The following BAALC variants were observed in gnomAD, a reference collection of about 807,000 sequenced individuals.
The protein encoded by BAALC is BAALC binder of MAP3K1 and KLF4.
In BAALC, 9 loss-of-function variants were observed where a neutral mutation model predicts 15.5. The ratio of observed to expected loss-of-function variants is 0.58; its 90% CI spans 0.35 to 1.02. BAALC has a LOEUF of 1.02. Among genes scored for constraint, BAALC ranks in the 50% least tolerant of loss-of-function variants. BAALC has a pLI of 0.02. For synonymous variants in BAALC, 80 were observed against 74.6 expected (o/e 1.07, Z -0.37); for missense variants, 201 against 192.4 (o/e 1.04, Z -0.27).
At chr8:103,149,845 C>T (rs1810947149) in intron 1 of BAALC, among the ~76,000 whole-genome samples, 1 of 152,106 alleles carries the variant, frequency 6.6e-6, no homozygotes, top group Non-Finnish European at 1.5e-5. Context: ...GTAGGTGATT[C>T]CTCCATGTTT....
At chr8:103,227,167 CTGTG>C (rs999192110) in intron 2 of BAALC, among the ~76,000 whole-genome samples, 5 of 151,976 alleles carry the variant, frequency 3.3e-5, no homozygotes, top group Non-Finnish European at 7.4e-5. Context: ...TTCTTCCTGA[CTGTG>C]TGTGTGCGTG....
intron 1 of BAALC, among the ~76,000 whole-genome samples, chr8:103,173,109 G>A (rs1811534973): frequency 6.6e-6 from 1 of 152,064 alleles, no homozygotes; most frequent in Non-Finnish European, 1.5e-5. Flanking sequence ...AGGCACGGTG[G>A]GCCATCATTT....
At chr8:103,208,565 T>A (rs1227433018) in intron 1 of BAALC, 1 of 152,256 alleles carries the variant, frequency 6.6e-6, no homozygotes, top group Non-Finnish European at 1.5e-5. Flanking sequence ...CGGGGCCTGC[T>A]GGGCTCACAA....
intron 1 of BAALC, among the ~76,000 whole-genome samples, chr8:103,201,928 C>A (rs769426430): frequency 4.6e-5 from 7 of 152,110 alleles, no homozygotes; most frequent in Non-Finnish European, 1.0e-4. Flanking sequence ...GAAATGTTGG[C>A]AGATAAAGGT....
intron 1 of BAALC, among the ~76,000 whole-genome samples, chr8:103,204,620 C>G (rs968110102): frequency 6.6e-6 from 1 of 152,110 alleles, no homozygotes; most frequent in Admixed American, 6.6e-5. Context: ...GGGTGCACTT[C>G]ATTATTTTGC....
intron 1 of BAALC, among the ~76,000 whole-genome samples, chr8:103,145,089 G>C (rs1284144796): frequency 6.6e-6 from 1 of 152,204 alleles, no homozygotes; most frequent in Non-Finnish European, 1.5e-5. Context: ...GATATGCTAT[G>C]AAATTCTTGA....
intron 1 of BAALC, chr8:103,202,720 C>G (rs977042443): frequency 6.6e-6 from 1 of 152,168 alleles, no homozygotes; most frequent in African/African-American, 2.4e-5. Flanking sequence ...ATATAAACAC[C>G]TTTGGTGGGA....
chr8:103,140,748 A>C lies in BAALC; in HGVS notation c.-150A>C. ...CCGGACTAGGGGCGGCGGGCACCGC[A>C]GGAGCTCCGCGCGGCTGCAGCGCGG... On this transcript the variant is annotated 5_prime_UTR_variant, in exon 1 of 3. Transcript: ENST00000309982. This position sits in a 1 kb window ranked among gnomAD's most constrained non-coding sequence, Gnocchi z 4.2. 3.6e-6 allele frequency: 2 copies of C among 549,494 alleles called. No homozygotes were observed. Among genetic ancestry groups the C allele is most frequent in the Non-Finnish European group, 5.0e-6 (2 of 397,770 alleles). The allele number at this position is 549,494 out of a possible 1,614,324, so 34.0% of individuals were successfully genotyped here.
At chr8:103,224,976 TAGAA>T (rs1234222262) in intron 2 of BAALC, among the ~76,000 whole-genome samples, 1 of 152,142 alleles carries the variant, frequency 6.6e-6, no homozygotes, top group African/African-American at 2.4e-5. Context: ...TCACTACTCT[TAGAA>T]AGAATGCTTT....
chr8:103,218,207 T>TC (rs939724349), intron 2 of BAALC, among the ~76,000 whole-genome samples: 2 of 151,854 alleles, frequency 1.3e-5, no homozygotes, highest in African/African-American at 4.8e-5. Flanking sequence ...TTCCCTCCAA[T>TC]CCCCCCGCCT....
chr8:103,168,230 C>A (rs1165685479), intron 1 of BAALC, among the ~76,000 whole-genome samples: 1 of 152,138 alleles, frequency 6.6e-6, no homozygotes, highest in Non-Finnish European at 1.5e-5. Context: ...ACTATTTAAG[C>A]TCGTTCTCTT....
chr8:103,211,131 A>G (rs1292220333), intron 1 of BAALC, among the ~76,000 whole-genome samples: 1 of 152,150 alleles, frequency 6.6e-6, no homozygotes, highest in Non-Finnish European at 1.5e-5. Flanking sequence ...GCCTACTTCA[A>G]ATTGAGGTTT....
chr8:103,214,415 T>G (rs1460588983), intron 2 of BAALC, among the ~76,000 whole-genome samples: 1 of 152,176 alleles, frequency 6.6e-6, no homozygotes, highest in Admixed American at 6.6e-5. Context: ...AGTGAGTGAT[T>G]AAAAGCAAGC....
At chr8:103,192,547 T>C (rs1811995317) in intron 1 of BAALC, among the ~76,000 whole-genome samples, 1 of 152,262 alleles carries the variant, frequency 6.6e-6, no homozygotes, top group African/African-American at 2.4e-5. Flanking sequence ...CAGTTGCATT[T>C]ATCAGGTGAG....
chr8:103,199,764 A>C (rs1385215635), intron 1 of BAALC, among the ~76,000 whole-genome samples: 1 of 147,636 alleles, frequency 6.8e-6, no homozygotes, highest in East Asian at 2.0e-4. Context: ...CCCAGGTATT[A>C]AGTCTAGTAC....
chr8:103,207,997 C>A (rs971506215), intron 1 of BAALC, among the ~76,000 whole-genome samples: 1 of 152,130 alleles, frequency 6.6e-6, no homozygotes, highest in African/African-American at 2.4e-5. Flanking sequence ...GACAGATGAC[C>A]CCTGCTCATT....
chr8:103,227,966 A>G, intron 2 of BAALC, 23 bp from the exon 3 acceptor site: 1 of 1,534,788 alleles, frequency 6.5e-7, no homozygotes, highest in Non-Finnish European at 9.0e-7. Context: ...TAGTAACTCA[A>G]TTCACTGTTT....
rs947380690 is a variant in BAALC, at chr8:103,229,468, G to T, written c.*1369G>T. The stretch of plus-strand genomic sequence containing the variant: ...CTCTGTTATTCTTCAAACACAAGTG[G>T]GTAGTGTCATTTTTCCTTCCTTCCT... On this transcript the variant is annotated 3_prime_UTR_variant, in exon 3 of 3. Transcript: ENST00000309982. The T allele has an allele frequency of 6.6e-6, 1 of 152,146 alleles. No homozygotes were observed. Among genetic ancestry groups the T allele is most frequent in the African/African-American group, 2.4e-5 (1 of 41,420 alleles). The allele number at this position is 152,146 out of a possible 1,614,324, so 9.4% of individuals were successfully genotyped here. A position where few individuals can be genotyped will look rare whatever the true frequency, so the allele number is the denominator to read the frequency against.
chr8:103,145,492 G>A (rs115879777), intron 1 of BAALC, among the ~76,000 whole-genome samples: 176 of 152,300 alleles, frequency 1.2e-3, no homozygotes, highest in African/African-American at 4.0e-3. Context: ...AGGGACCTAT[G>A]GCTAACTCCA....
Sources: gnomAD v4.1 joint callset for allele counts (sites outside exome capture counted in the v4.1 genomes callset) on GRCh38, gnomAD v4.1.1 for gene constraint, Gnocchi (gnomAD v3.1) non-coding constraint, MANE v1.5 for transcripts, NCBI Gene and HGNC (gene_info 2026-07-23, HGNC 2026-07-21) for gene names.